TOM1: variants seen among roughly 807,000 people sequenced by gnomAD.
The protein encoded by TOM1 is target of myb1 membrane trafficking protein, also known as target of Myb protein 1.
A neutral mutation model predicts 61.3 loss-of-function variants in TOM1; 38 were observed. The ratio of observed to expected loss-of-function variants is 0.62; its 90% CI spans 0.48 to 0.81. The LOEUF is 0.81. Ranked by LOEUF, TOM1 falls within the 40% of genes least tolerant of loss-of-function variation. TOM1 has a pLI of 0.00. For missense variants in TOM1, 591 were observed against 659.6 expected, an observed-to-expected ratio of 0.90 and a Z score of 1.14; for synonymous variants, 270 against 268.8, an observed-to-expected ratio of 1.00 and a Z score of -0.04.
At chr22:35,345,667 G>T in intron 12 of TOM1, 58 bp from the exon 13 acceptor site, 1 of 1,575,678 alleles carries the variant, frequency 6.3e-7, no homozygotes. Flanking sequence ...GTGCTGAGCT[G>T]GCACGTCTTC....
intron 2 of TOM1, among the ~76,000 whole-genome samples, chr22:35,320,268 G>A (rs1229842637): frequency 6.6e-6 from 1 of 152,210 alleles, no homozygotes; most frequent in Non-Finnish European, 1.5e-5. Context: ...TCACCTCATG[G>A]ATGTGGAGGT....
intron 1 of TOM1, among the ~76,000 whole-genome samples, chr22:35,306,145 T>A (rs1317260645): frequency 2.4e-5 from 1 of 41,828 alleles, no homozygotes; most frequent in Non-Finnish European, 1.2e-4. Flanking sequence ...CTTCTTCAGC[T>A]TTTTTTTTTC....
At position 35,335,334 on chromosome 22, in the gene TOM1, G is replaced by A. The variant is rs545345130; in HGVS notation, c.1148+886G>A. 2.5e-4 allele frequency among the ~76,000 whole-genome samples: 38 copies of A among 152,304 alleles called. No homozygotes were observed. The South Asian group carries it at 7.5e-3, about 30-fold the overall frequency. ...TCAATGGGCCTCCAGAGAGCCCAGG[G>A]ATAACCTCTCCACACCCACAAATCC... On this transcript the variant is annotated intron_variant, in intron 11 of 14. Coordinates refer to ENST00000449058, the MANE Select transcript of TOM1 (RefSeq NM_005488.3).
In TOM1 at chr22:35,347,101, G is replaced by C; in HGVS notation, c.1371G>C (p.Leu457Phe). 1 of 1,613,022 alleles carries C rather than the reference G, an allele frequency of 6.2e-7. No individual in the cohort carries two copies. The highest frequency in any genetic ancestry group is 8.5e-7 in the Non-Finnish European group (1 of 1,179,552). Residue 457 changes from leucine to phenylalanine, a missense_variant, in exon 15 of 15, where the codon TTG becomes TTC. By Grantham distance (22) the Leu-to-Phe change is conservative (BLOSUM62 0). Coordinates refer to ENST00000449058, the MANE Select transcript of TOM1 (RefSeq NM_005488.3). ...AACGGGCCAAAGCCGCGGACCGATT[G>C]CCCAACCTCTCCAGCCCCTCAGCTG... ...LEERAKAADR[L>F]PNLSSPSAEG... is the part of the protein sequence containing the mutation.
chr22:35,325,831 T>C (rs752708440), intron 6 of TOM1, among the ~76,000 whole-genome samples: 1 of 152,220 alleles, frequency 6.6e-6, no homozygotes, highest in African/African-American at 2.4e-5. Flanking sequence ...AGTCCCCTTT[T>C]GTCTCTTGGG....
chr22:35,343,095 C>T (rs895189105), intron 12 of TOM1, among the ~76,000 whole-genome samples: 1 of 139,912 alleles, frequency 7.1e-6, no homozygotes, highest in Admixed American at 7.1e-5. Context: ...CACACCTACA[C>T]ACCCATACAC....
At chr22:35,308,972 T>G (rs533103196) in intron 1 of TOM1, among the ~76,000 whole-genome samples, 26 of 152,192 alleles carry the variant, frequency 1.7e-4, no homozygotes, top group Non-Finnish European at 1.5e-5. Context: ...GATGGAACTT[T>G]CCACGCTGGG....
At chr22:35,326,108 A>G (rs1272231118) in intron 6 of TOM1, among the ~76,000 whole-genome samples, 1 of 152,240 alleles carries the variant, frequency 6.6e-6, no homozygotes, top group Non-Finnish European at 1.5e-5. Flanking sequence ...GTAAAAAATT[A>G]AGTTAGCAAT....
chr22:35,314,314 G>A (rs1456705047), intron 1 of TOM1, among the ~76,000 whole-genome samples: 1 of 151,876 alleles, frequency 6.6e-6, no homozygotes, highest in African/African-American at 2.4e-5. Context: ...CCCCTTTCTC[G>A]TTTAGGCCAC....
intron 1 of TOM1, among the ~76,000 whole-genome samples, chr22:35,301,399 A>G (rs4462): frequency 0.51 from 77,968 of 152,026 alleles, 22,845 homozygotes; most frequent in Non-Finnish European, 0.65. Context: ...TTGGCAGTAG[A>G]TCTCATAGGT....
chr22:35,345,671 CGTCTTCCACCTTGTCACCTA>C, intron 12 of TOM1, 34 bp from the exon 13 acceptor site: 1 of 1,582,176 alleles, frequency 6.3e-7, no homozygotes, highest in Non-Finnish European at 8.7e-7. Flanking sequence ...TGAGCTGGCA[CGTCTTCCACCTTGTCACCTA>C]GGGCACTGCC....
intron 1 of TOM1, among the ~76,000 whole-genome samples, chr22:35,305,242 T>C (rs1281664796): frequency 6.6e-6 from 1 of 152,208 alleles, no homozygotes; most frequent in Admixed American, 6.5e-5. Context: ...TCCCTCTCCA[T>C]TGCCCATCTC....
At chr22:35,312,407 G>T (rs1224416016) in intron 1 of TOM1, among the ~76,000 whole-genome samples, 1 of 152,162 alleles carries the variant, frequency 6.6e-6, no homozygotes, top group Non-Finnish European at 1.5e-5. Context: ...AACCACCACT[G>T]GGGCAGGACC....
intron 1 of TOM1, among the ~76,000 whole-genome samples, chr22:35,313,339 T>C (rs983243422): frequency 6.7e-6 from 1 of 150,326 alleles, no homozygotes. Context: ...AGAACGAGAC[T>C]GTCTCAAAAA....
chr22:35,305,153 A>T (rs1325834683), intron 1 of TOM1, among the ~76,000 whole-genome samples: 1 of 152,360 alleles, frequency 6.6e-6, no homozygotes, highest in East Asian at 1.9e-4. Flanking sequence ...GTGGACACTT[A>T]AGCGATGTTG....
rs547828925 is a variant in TOM1, at chr22:35,318,646, G to A, written c.137+685G>A. Among the ~76,000 whole-genome samples the A allele has an allele frequency of 2.6e-5, 4 of 152,312 alleles. 1 individual carries two copies. The South Asian group carries it at 8.3e-4, about 32-fold the overall frequency. On this transcript the variant is annotated intron_variant, in intron 2 of 14. Coordinates refer to ENST00000449058, the MANE Select transcript of TOM1 (RefSeq NM_005488.3). ...TTTACCTCTCTAGGTCTTTGTCCTC[G>A]AAGGTGCTCTGTTAGATCCTTCCAG...
In TOM1 at chr22:35,330,498, C is replaced by T. The variant is rs1408048373; in HGVS notation, c.899+18C>T. On this transcript the variant is annotated intron_variant, in intron 8 of 14. Transcript: ENST00000449058. The stretch of plus-strand genomic sequence containing the variant: ...CATGAACGGTAGCCCCAGCACCTCC[C>T]CTGGCCTCTGGCCTACTGCCCCAAC... The T allele has an allele frequency of 6.2e-7, 1 of 1,601,324 alleles. No homozygotes were observed. The highest frequency in any genetic ancestry group is 8.5e-7 in the Non-Finnish European group (1 of 1,173,302).
intron 6 of TOM1, among the ~76,000 whole-genome samples, chr22:35,326,235 T>C (rs953179071): frequency 1.3e-5 from 2 of 152,242 alleles, no homozygotes; most frequent in Non-Finnish European, 2.9e-5. Flanking sequence ...TGATTTAGAA[T>C]GTACCAGCAT....
At chr22:35,302,394 G>A (rs1925904993) in intron 1 of TOM1, among the ~76,000 whole-genome samples, 1 of 143,134 alleles carries the variant, frequency 7.0e-6, no homozygotes, top group Admixed American at 7.0e-5. Context: ...GGGGTGCAAT[G>A]GCACCATCTT....
Sources: gnomAD v4.1 joint callset for allele counts (sites outside exome capture counted in the v4.1 genomes callset) on GRCh38, gnomAD v4.1.1 for gene constraint, MANE v1.5 for transcripts, NCBI Gene and HGNC (gene_info 2026-07-23, HGNC 2026-07-21) for gene names.